The following JAG2 variants were observed in gnomAD, a reference collection of about 807,000 sequenced individuals.
The protein encoded by JAG2 is protein jagged-2.
In JAG2, 46 loss-of-function variants were observed where a neutral mutation model predicts 141.7. The ratio of observed to expected loss-of-function variants is 0.32; its 90% CI spans 0.26 to 0.42. The LOEUF (loss-of-function observed/expected upper bound fraction) is 0.42, where lower values mean the gene tolerates loss of function less well. Among genes scored for constraint, JAG2 ranks in the 10% least tolerant of loss-of-function variants. The probability of loss-of-function intolerance (pLI) is 1.00; values close to 1 mark genes in which losing one functional copy is unlikely to be tolerated. For synonymous variants in JAG2, 862 were observed against 763.5 expected (o/e 1.13, Z -2.13); for missense variants, 1,500 against 1,817.5 (o/e 0.83, Z 3.18).
intron 2 of JAG2, among the ~76,000 whole-genome samples, chr14:105,166,542 A>G (rs1002381904): frequency 1.3e-5 from 2 of 152,174 alleles, no homozygotes; most frequent in Admixed American, 1.3e-4. Flanking sequence ...CGGGGTGCTC[A>G]CGGGTTGAGG....
chr14:105,162,627 A>C (rs1441047648), intron 2 of JAG2, among the ~76,000 whole-genome samples: 1 of 145,036 alleles, frequency 6.9e-6, no homozygotes, highest in Non-Finnish European at 1.5e-5. Flanking sequence ...AAAGCACTGC[A>C]TGGCCCAGCA....
At position 105,143,743 on chromosome 14, in the gene JAG2, C is replaced by T. The variant is rs587755314; in HGVS notation, c.3085-105G>A. On this transcript the variant is annotated intron_variant, in intron 24 of 25. Coordinates refer to ENST00000331782, the MANE Select transcript of JAG2 (RefSeq NM_002226.5). The stretch of plus-strand genomic sequence containing the variant: ...GCCACACTGGAGCAAGGTGGGCGCA[C>T]GGGAGACGAGAGCCCGGGGTCCTGC... 90 of 1,415,898 alleles carry T rather than the reference C, an allele frequency of 6.4e-5. 2 individuals are homozygous for T. In the South Asian group the frequency reaches 9.4e-4, roughly 15 times the overall value. The allele number at this position is 1,415,898 out of a possible 1,614,324, so 87.7% of individuals were successfully genotyped here.
chr14:105,156,686 C>T (rs1237745212), intron 3 of JAG2, among the ~76,000 whole-genome samples: 1 of 152,132 alleles, frequency 6.6e-6, no homozygotes, highest in African/African-American at 2.4e-5. Context: ...GTGAACGGGT[C>T]CTCCAGACCC....
intron 1 of JAG2, 98 bp downstream of exon 1, chr14:105,168,257 T>G: frequency 1.4e-6 from 1 of 722,140 alleles, no homozygotes; most frequent in Non-Finnish European, 1.7e-6. Context: ...CTCGAGGGCT[T>G]CCGAACCACG....
At chr14:105,148,020 G>T in intron 17 of JAG2, 96 bp downstream of exon 17, 2 of 1,182,444 alleles carry the variant, frequency 1.7e-6, no homozygotes, top group Non-Finnish European at 2.4e-6. Flanking sequence ...GGCAGGTGTG[G>T]CCCTCAAAAA....
chr14:105,162,341 T>G (rs181514691), intron 2 of JAG2, among the ~76,000 whole-genome samples: 1 of 148,628 alleles, frequency 6.7e-6, no homozygotes. Flanking sequence ...TCTGATTGCC[T>G]CCTCCCCAGC....
chr14:105,146,022 A>C (rs981779238), intron 22 of JAG2, 49 bp from the exon 23 acceptor site: 4 of 1,570,982 alleles, frequency 2.5e-6, no homozygotes, highest in Non-Finnish European at 3.4e-6. Flanking sequence ...CAGGAGGGTC[A>C]GATGCAGGCA....
At chr14:105,143,808 G>C (rs77356449) in intron 24 of JAG2, among the ~76,000 whole-genome samples, 170 bp from the exon 25 acceptor site, 4 of 148,908 alleles carry the variant, frequency 2.7e-5, no homozygotes, top group Non-Finnish European at 6.0e-5. Context: ...GGGGAGTAGC[G>C]GGGGGAGGAG....
At chr14:105,155,482 C>T in intron 5 of JAG2, 80 bp downstream of exon 5, 1 of 1,541,806 alleles carries the variant, frequency 6.5e-7, no homozygotes, top group East Asian at 2.2e-5. Context: ...CGGGCGACTC[C>T]TGACAGCAAG....
At chr14:105,149,368 G>T in intron 12 of JAG2, 48 bp from the exon 13 acceptor site, 1 of 1,609,450 alleles carries the variant, frequency 6.2e-7, no homozygotes, top group Non-Finnish European at 8.5e-7. Flanking sequence ...GGCCCAGGCC[G>T]GGAACACAGG....
At chr14:105,148,018 TG>T in intron 17 of JAG2, 97 bp downstream of exon 17, 1 of 1,170,072 alleles carries the variant, frequency 8.5e-7, no homozygotes. Flanking sequence ...GTGGCAGGTG[TG>T]GCCCTCAAAA....
chr14:105,159,292 T>A (rs935920929), intron 2 of JAG2, among the ~76,000 whole-genome samples: 1 of 151,916 alleles, frequency 6.6e-6, no homozygotes, highest in African/African-American at 2.4e-5. Context: ...CTCACCCAGG[T>A]AGGAGCACAG....
At position 105,148,295 on chromosome 14, in the gene JAG2, C is replaced by A. The variant is rs1888294245; in HGVS notation, c.2134+31G>T. On this transcript the variant is annotated intron_variant, in intron 16 of 25. Coordinates refer to ENST00000331782, the MANE Select transcript of JAG2 (RefSeq NM_002226.5). The stretch of plus-strand genomic sequence containing the variant: ...GCCAGGGCCAGGGTCCTGGGGGCAG[C>A]CCCAGGCGGCCAGGGCCTGCGGACA... 1.9e-6 allele frequency: 3 copies of A among 1,595,326 alleles called. 1 individual carries two copies. The highest frequency in any genetic ancestry group is 2.7e-5 in the African/African-American group (2 of 74,568).
chr14:105,150,965 C>T (rs772481275), intron 10 of JAG2, 26 bp downstream of exon 10: 13 of 1,603,852 alleles, frequency 8.1e-6, no homozygotes, highest in East Asian at 2.2e-5. Context: ...TCGGCCCACC[C>T]GCCGGCGCCC....
At chr14:105,152,100 C>A (rs199832800) in intron 6 of JAG2, 43 bp from the exon 7 acceptor site, 3 of 1,613,150 alleles carry the variant, frequency 1.9e-6, no homozygotes, top group Non-Finnish European at 2.5e-6. Flanking sequence ...GCCGGCCCCC[C>A]GCTCCCCCAC....
intron 15 of JAG2, 64 bp downstream of exon 15, chr14:105,148,679 TCA>T: frequency 2.2e-6 from 3 of 1,372,166 alleles, no homozygotes; most frequent in Non-Finnish European, 3.0e-6. Context: ...GCGGTCCATC[TCA>T]GGGTGATAAG....
chr14:105,148,222 G>A lies in JAG2; in HGVS notation c.2142C>T (p.Phe714=). 6.4e-7 allele frequency: 1 copy of A among 1,559,946 alleles called. No individual in the cohort carries two copies. The highest frequency in any genetic ancestry group is 8.7e-7 in the Non-Finnish European group (1 of 1,152,416). Residue 714 remains phenylalanine, a synonymous_variant, in exon 17 of 26, where the codon TTC becomes TTT. Transcript: ENST00000331782. ...WKGKTCHSRE[F]QCDAYTCSNG... The stretch of plus-strand genomic sequence containing the variant: ...TGCTGCAGGTGTAGGCATCGCACTG[G>A]AACTCGCCTGTTGGCACATGGGCCG...
Position 105,146,369 on chromosome 14 carries a change from C to T in JAG2, c.2709+16G>A. ...CAGCCTCGGGTAGGGCAGGGCGGCT[C>T]ACGGGCTGCCCTCACCTTGCTGCAG... On this transcript the variant is annotated intron_variant, in intron 22 of 25. Transcript: ENST00000331782. 2 of 1,605,990 alleles carry T rather than the reference C, an allele frequency of 1.2e-6. No individual in the cohort carries two copies. The highest frequency in any genetic ancestry group is 1.7e-6 in the Non-Finnish European group (2 of 1,174,034).
intron 2 of JAG2, among the ~76,000 whole-genome samples, chr14:105,166,061 GC>G (rs1364519553): frequency 6.6e-6 from 1 of 152,190 alleles, no homozygotes; most frequent in Non-Finnish European, 1.5e-5. Flanking sequence ...CTCTGCCCTG[GC>G]CCCCAACCCA....
Sources: gnomAD v4.1 joint callset for allele counts (sites outside exome capture counted in the v4.1 genomes callset) on GRCh38, gnomAD v4.1.1 for gene constraint, MANE v1.5 for transcripts, NCBI Gene and HGNC (gene_info 2026-07-23, HGNC 2026-07-21) for gene names.